Variants in MAPK10 observed in about 807,000 individuals in gnomAD.
MAPK10 encodes JNK3 alpha protein kinase.
A neutral mutation model predicts 59.3 loss-of-function variants in MAPK10; 25 were observed. The observed-to-expected ratio is 0.42, with a 90% confidence interval of 0.31 to 0.59. MAPK10 has a LOEUF of 0.59. MAPK10 is among the 20% of genes least tolerant of loss of function. The pLI is 0.15. For missense variants in MAPK10, 351 were observed against 568.9 expected (o/e 0.62, Z 3.90); for synonymous variants, 190 against 200.5 (o/e 0.95, Z 0.44).
rs6833404 is a variant in MAPK10, at chr4:86,030,151, C to G, written c.1175-877G>C. 1.3e-3 allele frequency among the ~76,000 whole-genome samples: 200 copies of G among 152,166 alleles called. 1 individual carries two copies. Among genetic ancestry groups the G allele is most frequent in the African/African-American group, 4.7e-3 (195 of 41,500 alleles). ...CCTATTCATGAGCCCCTAAGGAGTG[C>G]CTTCCTGTCCTTACTTGGATCAAAG... On this transcript the variant is annotated intron_variant, in intron 12 of 13. Coordinates refer to ENST00000641462, the MANE Select transcript of MAPK10 (RefSeq NM_138982.4).
rs893499116 is a variant in MAPK10, at chr4:86,570,078, T to TAAAACAAAAC, written c.-263+23822_-263+23831dup. On this transcript the variant is annotated intron_variant, in intron 1 of 4. Transcript: ENST00000502302. ...CCAAGACTCAAATATCTTCATTGCT[T>TAAAACAAAAC]AAAACAAAACAAAACAAAACTTGTT... 1.4e-3 allele frequency among the ~76,000 whole-genome samples: 219 copies of TAAAACAAAAC among 152,294 alleles called. 2 individuals are homozygous for TAAAACAAAAC. Among genetic ancestry groups the TAAAACAAAAC allele is most frequent in the African/African-American group, 5.0e-3 (207 of 41,566 alleles).
At chr4:86,264,732 G>C (rs1042787763) in intron 2 of MAPK10, among the ~76,000 whole-genome samples, 5 of 152,146 alleles carry the variant, frequency 3.3e-5, no homozygotes, top group African/African-American at 7.2e-5. Context: ...GGTTGAGAAA[G>C]AAAAGACGGG....
In MAPK10 at chr4:86,316,655, T is replaced by C. The variant is rs547920674; in HGVS notation, c.-7+37875A>G. On this transcript the variant is annotated intron_variant, in intron 2 of 13. Coordinates refer to ENST00000641462, the MANE Select transcript of MAPK10 (RefSeq NM_138982.4). Reference sequence around the variant, plus strand: ...TTAAGATGAACAATAATTTATAAGGTGATATGATTTTCATCCCAGGTAAGA... The same window carrying C: ...TTAAGATGAACAATAATTTATAAGGCGATATGATTTTCATCCCAGGTAAGA... 2.6e-5 allele frequency among the ~76,000 whole-genome samples: 4 copies of C among 152,224 alleles called. No homozygotes were observed. The South Asian group carries it at 8.3e-4, about 32-fold the overall frequency.
chr4:86,552,263 TA>T (rs1254075832), intron 1 of MAPK10, among the ~76,000 whole-genome samples: 85 of 151,370 alleles, frequency 5.6e-4, no homozygotes, highest in Admixed American at 5.5e-3. Context: ...TTACAAAAAA[TA>T]AACAAAATTA....
intron 1 of MAPK10, among the ~76,000 whole-genome samples, chr4:86,376,025 T>C (rs996933326): frequency 6.6e-6 from 1 of 152,182 alleles, no homozygotes; most frequent in Non-Finnish European, 1.5e-5. Flanking sequence ...ATTATCTCAT[T>C]CTACCATTAA....
chr4:86,499,917 A>G (rs76310957), intron 1 of MAPK10, among the ~76,000 whole-genome samples: 7,425 of 152,266 alleles, frequency 0.049, 243 homozygotes, highest in African/African-American at 0.063. Context: ...ATCTTGGACC[A>G]CGTGAAAACC....
At chr4:86,550,102 A>G (rs111690249) in intron 1 of MAPK10, among the ~76,000 whole-genome samples, 1 of 152,098 alleles carries the variant, frequency 6.6e-6, no homozygotes, top group Admixed American at 6.5e-5. Flanking sequence ...AATTTATACT[A>G]AGAGACATCT....
chr4:86,319,719 G>C (rs1451595454), intron 2 of MAPK10, among the ~76,000 whole-genome samples: 3 of 152,132 alleles, frequency 2.0e-5, no homozygotes, highest in Non-Finnish European at 2.9e-5. Context: ...AGCCCATTCT[G>C]AAGTACTAGA....
intron 2 of MAPK10, among the ~76,000 whole-genome samples, chr4:86,353,141 TAG>T (rs149551825): frequency 0.16 from 24,047 of 152,124 alleles, 1,959 homozygotes; most frequent in East Asian, 0.26. Flanking sequence ...ACATCCGTGG[TAG>T]AGTCTCCTCT....
At chr4:86,071,073 T>C (rs991174024) in intron 9 of MAPK10, among the ~76,000 whole-genome samples, 5 of 151,588 alleles carry the variant, frequency 3.3e-5, no homozygotes, top group African/African-American at 1.2e-4. Context: ...GACTTTTTAA[T>C]GATTGCCATT....
chr4:86,318,821 T>G (rs959673442), intron 2 of MAPK10, among the ~76,000 whole-genome samples: 1 of 152,148 alleles, frequency 6.6e-6, no homozygotes, highest in Non-Finnish European at 1.5e-5. Flanking sequence ...GAAAGATCCC[T>G]AAGTAATCAT....
chr4:86,421,794 C>A (rs897125523), intron 1 of MAPK10, among the ~76,000 whole-genome samples: 5 of 152,122 alleles, frequency 3.3e-5, no homozygotes, highest in African/African-American at 1.2e-4. Flanking sequence ...TAGGATCGTG[C>A]CGCTCCTCTG....
At chr4:86,571,275 A>ATATATG (rs1554283298) in intron 1 of MAPK10, among the ~76,000 whole-genome samples, 5 of 148,234 alleles carry the variant, frequency 3.4e-5, no homozygotes, top group Non-Finnish European at 7.4e-5. Flanking sequence ...ATATATATAT[A>ATATATG]TATATTACTG....
chr4:86,416,351 T>G (rs1471489577), intron 1 of MAPK10, among the ~76,000 whole-genome samples: 1 of 152,228 alleles, frequency 6.6e-6, no homozygotes, highest in Non-Finnish European at 1.5e-5. Flanking sequence ...ACTCTGGTAT[T>G]TTGCTATGGC....
chr4:86,212,071 C>A (rs750502764), intron 2 of MAPK10, among the ~76,000 whole-genome samples: 15 of 151,858 alleles, frequency 9.9e-5, no homozygotes, highest in Non-Finnish European at 2.2e-4. Flanking sequence ...AAACAAATAC[C>A]AAAATGTCAG....
intron 4 of MAPK10, among the ~76,000 whole-genome samples, chr4:86,127,154 C>G (rs2060200279): frequency 7.0e-6 from 1 of 143,324 alleles, no homozygotes; most frequent in African/African-American, 2.6e-5. Context: ...AATAAAATAA[C>G]TAATAGAATT....
intron 1 of MAPK10, among the ~76,000 whole-genome samples, chr4:86,478,920 C>T (rs1753346140): frequency 6.6e-6 from 1 of 152,140 alleles, no homozygotes; most frequent in African/African-American, 2.4e-5. Context: ...TCTCAGTCTT[C>T]CATCTGCTAT....
intron 2 of MAPK10, among the ~76,000 whole-genome samples, chr4:86,280,810 C>G (rs1195587261): frequency 6.6e-6 from 1 of 151,998 alleles, no homozygotes; most frequent in East Asian, 1.9e-4. Flanking sequence ...TAGATGCAAC[C>G]AGAGGCCACT....
chr4:86,564,309 A>G (rs1448551673), intron 1 of MAPK10, among the ~76,000 whole-genome samples: 3 of 152,204 alleles, frequency 2.0e-5, no homozygotes, highest in African/African-American at 7.2e-5. Context: ...TGAGATGAAC[A>G]GTCTCCTGGC....
Sources: allele counts gnomAD v4.1 joint callset (sites outside exome capture counted in the v4.1 genomes callset), GRCh38; gene constraint gnomAD v4.1.1; transcripts MANE v1.5; gene names NCBI Gene and HGNC (gene_info 2026-07-23, HGNC 2026-07-21).